FBXW11: variants seen among roughly 807,000 people sequenced by gnomAD.
The protein encoded by FBXW11 is F-box and WD repeat domain containing 11.
A neutral mutation model predicts 77.6 loss-of-function variants in FBXW11; 19 were observed. The ratio of observed to expected loss-of-function variants is 0.24; its 90% CI spans 0.17 to 0.36. The LOEUF (loss-of-function observed/expected upper bound fraction) is 0.36. FBXW11 is among the 10% of genes least tolerant of loss of function. FBXW11 has a pLI of 1.00. For missense variants in FBXW11, 334 were observed against 704.2 expected (o/e 0.47, Z 5.95); for synonymous variants, 235 against 249.4 (o/e 0.94, Z 0.54).
chr5:171,883,646 TG>T (rs1259621345), intron 7 of FBXW11, among the ~76,000 whole-genome samples: 3 of 152,256 alleles, frequency 2.0e-5, no homozygotes, highest in Admixed American at 2.0e-4. Flanking sequence ...CAGCATCTAC[TG>T]TTTTTTGATT....
intron 2 of FBXW11, among the ~76,000 whole-genome samples, chr5:171,934,989 C>T (rs953120984): frequency 1.3e-5 from 2 of 152,098 alleles, no homozygotes; most frequent in East Asian, 1.9e-4. Flanking sequence ...GACGGAGTCT[C>T]GCTCTGTAGC....
intron 1 of FBXW11, among the ~76,000 whole-genome samples, chr5:171,966,514 A>G (rs1764198115): frequency 6.6e-6 from 1 of 152,186 alleles, no homozygotes; most frequent in African/African-American, 2.4e-5. Context: ...TAACAAAATA[A>G]TCTATTTCCG....
intron 10 of FBXW11, among the ~76,000 whole-genome samples, chr5:171,872,121 C>G (rs1337785366): frequency 1.3e-5 from 2 of 152,140 alleles, no homozygotes; most frequent in African/African-American, 4.8e-5. Flanking sequence ...TAAACCCAAT[C>G]TTTATTTTGA....
At chr5:171,877,878 T>C in intron 8 of FBXW11, 133 bp downstream of exon 8, 1 of 714,294 alleles carries the variant, frequency 1.4e-6, no homozygotes. Flanking sequence ...CAAACATGTC[T>C]ACAATAAAAG....
rs1766799795 is a variant in FBXW11, at chr5:172,006,616, G to A, written c.-114C>T. ...GGCGGCTATCGCACCCACTCTAGCT[G>A]CCAGCCCGCCCGGGCCGCCGGCAGC... On this transcript the variant is annotated 5_prime_UTR_variant, in exon 1 of 14. Coordinates refer to ENST00000517395, the MANE Select transcript of FBXW11 (RefSeq NM_001378974.1). The A allele has an allele frequency of 2.3e-6, 3 of 1,308,468 alleles. No individual in the cohort carries two copies. The highest frequency in any genetic ancestry group is 6.3e-5 in the East Asian group (2 of 31,696). 81.1% of individuals were successfully genotyped at this position (1,308,468 alleles called of 1,614,324 possible).
In FBXW11 at chr5:171,889,992, T is replaced by A. The variant is rs533424280; in HGVS notation, c.852+1475A>T. On this transcript the variant is annotated intron_variant, in intron 7 of 13. Transcript: ENST00000517395. ...TAGCAAAGGACGTATCTAGACTACA[T>A]AAAGAACTCTAAAAACTCAGTAATA... Among the ~76,000 whole-genome samples the A allele has an allele frequency of 3.9e-5, 6 of 151,986 alleles. No individual in the cohort carries two copies. In the East Asian group the frequency reaches 1.2e-3, roughly 29 times the overall value.
intron 10 of FBXW11, 87 bp from the exon 11 acceptor site, chr5:171,870,945 TA>T: frequency 1.1e-6 from 1 of 871,716 alleles, no homozygotes; most frequent in South Asian, 1.5e-5. Flanking sequence ...TCCATACAGA[TA>T]CAATTTTTCA....
In FBXW11 at chr5:171,876,189, T is replaced by A. The variant is rs2113776844; in HGVS notation, c.1221+96A>T. On this transcript the variant is annotated intron_variant, in intron 9 of 13. Transcript: ENST00000517395. The surrounding 1 kb of genome is among the most constrained non-coding windows in gnomAD (Gnocchi z 4.2). ...TCATAAGCACAGAGGAGAATAAAGA[T>A]CTTGCCAGGTACCAGGTTGGTATAA... 1 of 1,441,172 alleles carries A rather than the reference T, an allele frequency of 6.9e-7. No homozygotes were observed. Among genetic ancestry groups the A allele is most frequent in the East Asian group, 2.3e-5 (1 of 43,854 alleles). The allele number at this position is 1,441,172 out of a possible 1,614,324, so 89.3% of individuals were successfully genotyped here.
At chr5:171,875,847 T>A (rs1758044673) in intron 9 of FBXW11, among the ~76,000 whole-genome samples, 1 of 152,052 alleles carries the variant, frequency 6.6e-6, no homozygotes, top group Admixed American at 6.5e-5. Context: ...GTCCTCAAAA[T>A]TAGGTGAATA....
chr5:171,914,921 G>GCAT (rs754587591), intron 2 of FBXW11, among the ~76,000 whole-genome samples: 1 of 152,172 alleles, frequency 6.6e-6, no homozygotes, highest in Non-Finnish European at 1.5e-5. Flanking sequence ...AGCATAGCGG[G>GCAT]TGCCCCAACC....
chr5:171,878,222 A>C (rs1240665278), intron 7 of FBXW11, 93 bp from the exon 8 acceptor site: 21 of 869,772 alleles, frequency 2.4e-5, no homozygotes, highest in African/African-American at 3.4e-5. Flanking sequence ...TATAAAATAA[A>C]ACACACTTGG....
At chr5:171,888,120 C>T (rs111606516) in intron 7 of FBXW11, among the ~76,000 whole-genome samples, 3,506 of 152,208 alleles carry the variant, frequency 0.023, 127 homozygotes, top group African/African-American at 0.079. Context: ...TTTCTCTCTT[C>T]TCTCACAGGG....
At chr5:171,930,754 T>TAAAAAAAAAAAAAAAAAAAAAAA (rs1300857997) in intron 2 of FBXW11, among the ~76,000 whole-genome samples, 2 of 32,328 alleles carry the variant, frequency 6.2e-5, no homozygotes, top group African/African-American at 8.5e-5. Flanking sequence ...AAATAAAAAA[T>TAAAAAAAAAAAAAAAAAAAAAAA]AAAAAAATAA....
chr5:172,005,927 C>A (rs1169537702), intron 1 of FBXW11, among the ~76,000 whole-genome samples: 1 of 152,114 alleles, frequency 6.6e-6, no homozygotes, highest in Non-Finnish European at 1.5e-5. Flanking sequence ...CCCTGCCCCC[C>A]CAGCTCTGTA....
chr5:171,914,527 C>T (rs964207090), intron 2 of FBXW11, 122 bp from the exon 3 acceptor site: 22 of 747,416 alleles, frequency 2.9e-5, no homozygotes, highest in Non-Finnish European at 4.1e-5. Flanking sequence ...AACTATTTGG[C>T]TTTGTGGCTA....
chr5:171,890,114 C>T (rs1442609068), intron 7 of FBXW11, among the ~76,000 whole-genome samples: 1 of 152,010 alleles, frequency 6.6e-6, no homozygotes, highest in African/African-American at 2.4e-5. Flanking sequence ...AAAAGATGCT[C>T]ACTATCATCA....
In FBXW11 at chr5:171,899,953, G is replaced by C. The variant is rs564501842; in HGVS notation, c.584C>G (p.Thr195Ser). 35 of 1,613,674 alleles carry C rather than the reference G, an allele frequency of 2.2e-5. No homozygotes were observed. Among genetic ancestry groups the C allele is most frequent in the Non-Finnish European group, 2.9e-5 (34 of 1,179,750 alleles). Residue 195 changes from threonine to serine, a missense_variant, in exon 5 of 14, where the codon ACT (threonine) becomes AGT (serine). This residue lies in a region of FBXW11 where 56 missense variants were observed against 144.9 expected (regional missense o/e 0.39). Coordinates refer to ENST00000517395, the MANE Select transcript of FBXW11 (RefSeq NM_001378974.1). ...WKKLIERMVR[T>S]DPLWKGLSER... ...TGAAAGTCCTTTCCATAGGGGATCA[G>C]TGCGTACCATTCGTTCAATCAGCTT...
chr5:171,972,981 T>A (rs1764619028), intron 1 of FBXW11, among the ~76,000 whole-genome samples: 1 of 152,224 alleles, frequency 6.6e-6, no homozygotes, highest in African/African-American at 2.4e-5. Flanking sequence ...CTGTGTAGGC[T>A]TTAACTCAGA....
At chr5:171,961,499 C>A (rs1422679970) in intron 1 of FBXW11, among the ~76,000 whole-genome samples, 1 of 152,140 alleles carries the variant, frequency 6.6e-6, no homozygotes, top group Non-Finnish European at 1.5e-5. Flanking sequence ...TCTGTACCCG[C>A]TAGCCAAAAC....
Sources: allele counts gnomAD v4.1 joint callset (sites outside exome capture counted in the v4.1 genomes callset), GRCh38; gene constraint gnomAD v4.1.1; regional missense constraint gnomAD v4.1.1; non-coding constraint Gnocchi (gnomAD v3.1); transcripts MANE v1.5; gene names NCBI Gene and HGNC (gene_info 2026-07-23, HGNC 2026-07-21).